UGGT2: variants seen among roughly 807,000 people sequenced by gnomAD.
The protein encoded by UGGT2 is UDP-glucose glycoprotein glucosyltransferase 2, also known as UDP-glucose:glycoprotein glucosyltransferase 2.
In UGGT2, 180 loss-of-function variants were observed where a neutral mutation model predicts 192.1. That is an observed-to-expected ratio of 0.94 (90% CI 0.83 to 1.06). UGGT2 has a LOEUF of 1.06. Among genes scored for constraint, UGGT2 ranks in the 50% least tolerant of loss-of-function variants. The pLI is 0.00. For synonymous variants in UGGT2, 580 were observed against 591.0 expected (o/e 0.98, Z 0.27); for missense variants, 1,849 against 1,795.7 (o/e 1.03, Z -0.54).
chr13:96,024,642 T>C (rs1031579683), intron 2 of UGGT2, among the ~76,000 whole-genome samples: 3 of 152,246 alleles, frequency 2.0e-5, no homozygotes, highest in Non-Finnish European at 4.4e-5. Context: ...TAGGCATCCA[T>C]AGAGGCTGGC....
intron 20 of UGGT2, among the ~76,000 whole-genome samples, chr13:95,917,294 A>T (rs2048709652): frequency 6.6e-6 from 1 of 152,182 alleles, no homozygotes; most frequent in Non-Finnish European, 1.5e-5. Context: ...AGAATTCCCA[A>T]AAAAAAGAAT....
chr13:95,985,425 C>T (rs929709330), intron 9 of UGGT2: 1 of 343,814 alleles, frequency 2.9e-6, no homozygotes, highest in Non-Finnish European at 5.2e-6. Context: ...TATTTATTTA[C>T]TTTCAAAATT....
chr13:95,939,634 T>G (rs139381967), intron 16 of UGGT2, among the ~76,000 whole-genome samples: 2 of 152,192 alleles, frequency 1.3e-5, no homozygotes, highest in African/African-American at 4.8e-5. Flanking sequence ...CTAATTATCA[T>G]ATGCATTACC....
At chr13:95,991,250 T>C (rs2051449199) in intron 7 of UGGT2, 2 of 268,396 alleles carry the variant, frequency 7.5e-6, no homozygotes, top group Admixed American at 4.3e-5. Context: ...GTAATGGGCA[T>C]TGCTGGGTCA....
intron 12 of UGGT2, among the ~76,000 whole-genome samples, chr13:95,958,104 A>T (rs950212951): frequency 6.6e-6 from 1 of 152,154 alleles, no homozygotes; most frequent in Non-Finnish European, 1.5e-5. Flanking sequence ...TGTTCAGGGA[A>T]TATGGCGTTT....
intron 12 of UGGT2, among the ~76,000 whole-genome samples, chr13:95,951,255 T>A (rs368123960): frequency 1.3e-5 from 2 of 152,098 alleles, no homozygotes; most frequent in East Asian, 3.9e-4. Flanking sequence ...AATAAAAATT[T>A]TGGAATTCAA....
chr13:95,984,157 G>A (rs966472045), intron 9 of UGGT2, among the ~76,000 whole-genome samples: 8 of 152,200 alleles, frequency 5.3e-5, no homozygotes, highest in Admixed American at 2.0e-4. Flanking sequence ...GCTGTTTTGC[G>A]TTATTTTGCC....
intron 15 of UGGT2, among the ~76,000 whole-genome samples, chr13:95,945,673 A>G (rs1406207699): frequency 2.0e-5 from 3 of 152,206 alleles, no homozygotes; most frequent in Non-Finnish European, 4.4e-5. Context: ...CCTTTACAAT[A>G]AAATGGCTGA....
intron 38 of UGGT2, among the ~76,000 whole-genome samples, chr13:95,807,191 TAA>T (rs762611249): frequency 1.4e-4 from 21 of 152,294 alleles, no homozygotes; most frequent in Non-Finnish European, 2.6e-4. Context: ...AAGAAAATCA[TAA>T]GAGAAAATAT....
chr13:95,978,310 T>C (rs928694397), intron 10 of UGGT2, among the ~76,000 whole-genome samples: 3 of 152,208 alleles, frequency 2.0e-5, no homozygotes, highest in African/African-American at 7.2e-5. Flanking sequence ...AGCATCACTG[T>C]TGGCCATCTG....
At chr13:95,856,541 A>T in intron 33 of UGGT2, 1 of 536,228 alleles carries the variant, frequency 1.9e-6, no homozygotes, top group South Asian at 2.6e-5. Context: ...AAGTATAAAT[A>T]AAACTATATA....
At chr13:95,807,197 A>C (rs558304108) in intron 38 of UGGT2, among the ~76,000 whole-genome samples, 1 of 152,308 alleles carries the variant, frequency 6.6e-6, no homozygotes, top group African/African-American at 2.4e-5. Flanking sequence ...ATCATAAGAG[A>C]AAATATACCT....
intron 2 of UGGT2, 54 bp downstream of exon 2, chr13:96,031,835 C>T: frequency 2.3e-6 from 3 of 1,327,388 alleles, no homozygotes; most frequent in Non-Finnish European, 3.2e-6. Flanking sequence ...ATAAACATTA[C>T]AATGTGTGTA....
chr13:95,916,848 A>G (rs1465976082), intron 20 of UGGT2, among the ~76,000 whole-genome samples: 1 of 152,188 alleles, frequency 6.6e-6, no homozygotes, highest in African/African-American at 2.4e-5. Flanking sequence ...TAGACACATT[A>G]AACAAAAAAG....
intron 17 of UGGT2, among the ~76,000 whole-genome samples, chr13:95,928,983 A>T (rs2049145473): frequency 6.6e-6 from 1 of 152,200 alleles, no homozygotes; most frequent in Non-Finnish European, 1.5e-5. Context: ...ACTCGAGGTC[A>T]GGAGCTGGAG....
intron 27 of UGGT2, among the ~76,000 whole-genome samples, chr13:95,878,963 G>A (rs1010582082): frequency 3.9e-5 from 6 of 152,074 alleles, no homozygotes; most frequent in East Asian, 1.9e-4. Context: ...CTATTCTAGC[G>A]ATAAACTTTA....
chr13:95,992,593 T>C (rs1189956358), intron 7 of UGGT2, among the ~76,000 whole-genome samples: 2 of 151,908 alleles, frequency 1.3e-5, no homozygotes, highest in African/African-American at 2.4e-5. Flanking sequence ...TATGGCGGAG[T>C]CTTTAGGGTT....
chr13:95,840,024 A>G (rs142818448), intron 36 of UGGT2, among the ~76,000 whole-genome samples: 6 of 152,262 alleles, frequency 3.9e-5, no homozygotes, highest in Non-Finnish European at 7.4e-5. Flanking sequence ...ACATATTAAA[A>G]TCTCCAAATA....
chr13:95,808,492 C>CTTTT (rs900475411), intron 38 of UGGT2, among the ~76,000 whole-genome samples: 1 of 148,314 alleles, frequency 6.7e-6, no homozygotes, highest in Non-Finnish European at 1.5e-5. Flanking sequence ...CAGTGATTTT[C>CTTTT]TTTTTTTTTT....
Sources: allele counts gnomAD v4.1 joint callset (sites outside exome capture counted in the v4.1 genomes callset), GRCh38; gene constraint gnomAD v4.1.1; transcripts MANE v1.5; gene names NCBI Gene and HGNC (gene_info 2026-07-23, HGNC 2026-07-21).